The following EPHB1 variants were observed in gnomAD, a reference collection of about 807,000 sequenced individuals.
EPHB1 encodes the protein EPH receptor B1, also known as ephrin type-B receptor 1.
Under a neutral mutation model 94.4 loss-of-function variants are expected in EPHB1, and 30 were observed. That is an observed-to-expected ratio of 0.32 (90% CI 0.24 to 0.43). The LOEUF (loss-of-function observed/expected upper bound fraction) is 0.43, where lower values mean the gene tolerates loss of function less well. EPHB1 is among the 20% of genes least tolerant of loss of function. The pLI is 1.00. For missense variants in EPHB1, 1,055 were observed against 1,308.3 expected, an observed-to-expected ratio of 0.81 and a Z score of 2.99; for synonymous variants, 522 against 489.1, an observed-to-expected ratio of 1.07 and a Z score of -0.89.
chr3:135,034,193 A>G (rs948081847), intron 3 of EPHB1, among the ~76,000 whole-genome samples: 1 of 152,222 alleles, frequency 6.6e-6, no homozygotes, highest in Admixed American at 6.5e-5. Context: ...TTAAATGTGT[A>G]TGATTTACCA....
chr3:134,817,532 T>C (rs139965674), intron 1 of EPHB1, among the ~76,000 whole-genome samples: 1 of 152,354 alleles, frequency 6.6e-6, no homozygotes, highest in African/African-American at 2.4e-5. Context: ...TATGAATCCA[T>C]GCAAGAGGCT....
intron 5 of EPHB1, among the ~76,000 whole-genome samples, chr3:135,151,196 T>C (rs1160246184): frequency 6.6e-6 from 1 of 152,178 alleles, no homozygotes; most frequent in Non-Finnish European, 1.5e-5. Flanking sequence ...AATAGTATCA[T>C]ATAAGTCAGA....
intron 10 of EPHB1, among the ~76,000 whole-genome samples, chr3:135,183,221 TC>T (rs1254727033): frequency 8.6e-6 from 1 of 115,774 alleles, no homozygotes; most frequent in Non-Finnish European, 1.7e-5. Context: ...CCTTCCTCCC[TC>T]CCTCCCTTCC....
At chr3:134,970,928 A>T (rs919252453) in intron 3 of EPHB1, among the ~76,000 whole-genome samples, 2 of 152,234 alleles carry the variant, frequency 1.3e-5, no homozygotes, top group African/African-American at 2.4e-5. Context: ...TTGTTCCTTG[A>T]AATATAAGCT....
chr3:135,246,092 C>G (rs981589119), intron 13 of EPHB1, among the ~76,000 whole-genome samples: 1 of 152,096 alleles, frequency 6.6e-6, no homozygotes, highest in Non-Finnish European at 1.5e-5. Context: ...ATCTGGGGCT[C>G]TAGCATCTAA....
intron 3 of EPHB1, among the ~76,000 whole-genome samples, chr3:134,953,408 A>G (rs1347949264): frequency 6.6e-6 from 1 of 152,246 alleles, no homozygotes; most frequent in Non-Finnish European, 1.5e-5. Flanking sequence ...GTGGAAACAA[A>G]GGAGAGAGAG....
At chr3:135,105,893 A>G (rs1488999008) in intron 3 of EPHB1, among the ~76,000 whole-genome samples, 3 of 152,252 alleles carry the variant, frequency 2.0e-5, no homozygotes, top group Non-Finnish European at 4.4e-5. Flanking sequence ...AGAATCACTT[A>G]TGAATTTCAG....
chr3:134,837,152 T>C (rs2036686143), intron 1 of EPHB1, among the ~76,000 whole-genome samples: 1 of 152,190 alleles, frequency 6.6e-6, no homozygotes, highest in African/African-American at 2.4e-5. Flanking sequence ...CTCGCCCAGC[T>C]CTGGAGAATA....
intron 1 of EPHB1, among the ~76,000 whole-genome samples, chr3:134,825,909 G>A (rs967554762): frequency 3.3e-5 from 5 of 151,896 alleles, no homozygotes; most frequent in African/African-American, 1.2e-4. Context: ...TATCTGCATT[G>A]TTTTTCTACA....
chr3:134,831,309 A>G (rs1342250771), intron 1 of EPHB1, among the ~76,000 whole-genome samples: 1 of 152,210 alleles, frequency 6.6e-6, no homozygotes, highest in Non-Finnish European at 1.5e-5. Context: ...AAAGGGAGCT[A>G]TGGCCTGTTG....
intron 12 of EPHB1, among the ~76,000 whole-genome samples, chr3:135,206,958 T>G (rs901336120): frequency 1.3e-5 from 2 of 152,172 alleles, no homozygotes; most frequent in African/African-American, 4.8e-5. Context: ...TTCTTTCAAG[T>G]GCAATTTAAA....
At chr3:135,003,604 G>A (rs1425962315) in intron 3 of EPHB1, among the ~76,000 whole-genome samples, 2 of 152,026 alleles carry the variant, frequency 1.3e-5, no homozygotes, top group Admixed American at 6.6e-5. Flanking sequence ...AAATCTCTTT[G>A]TAGGTCACTC....
At chr3:135,233,904 AGCT>A (rs1943590784) in intron 12 of EPHB1, among the ~76,000 whole-genome samples, 1 of 152,186 alleles carries the variant, frequency 6.6e-6, no homozygotes. Flanking sequence ...TAGCTGGAGC[AGCT>A]GAGATACAGT....
chr3:135,211,725 A>G (rs1452418168), intron 12 of EPHB1, among the ~76,000 whole-genome samples: 1 of 152,178 alleles, frequency 6.6e-6, no homozygotes, highest in African/African-American at 2.4e-5. Context: ...TCATATTCGT[A>G]TACGCATTGT....
chr3:134,892,800 C>T (rs1477703448), intron 1 of EPHB1, among the ~76,000 whole-genome samples: 1 of 152,062 alleles, frequency 6.6e-6, no homozygotes, highest in African/African-American at 2.4e-5. Flanking sequence ...TCTGCCCTCC[C>T]CTCCCTCCCT....
At chr3:135,044,462 T>G (rs1389942921) in intron 3 of EPHB1, among the ~76,000 whole-genome samples, 1 of 152,182 alleles carries the variant, frequency 6.6e-6, no homozygotes, top group Non-Finnish European at 1.5e-5. Flanking sequence ...ACTAGTGTGC[T>G]GCAAAGAAGA....
chr3:135,089,013 GAAACTGAGGCTTAA>G (rs929229668), intron 3 of EPHB1, among the ~76,000 whole-genome samples: 6 of 152,154 alleles, frequency 3.9e-5, no homozygotes, highest in Admixed American at 6.5e-5. Flanking sequence ...TACACACGAG[GAAACTGAGGCTTAA>G]AAAGGTTGTA....
intron 2 of EPHB1, among the ~76,000 whole-genome samples, chr3:134,936,136 C>G (rs1266729665): frequency 6.6e-6 from 1 of 151,932 alleles, no homozygotes. Context: ...GAGAATGGAG[C>G]TGGGGTGGGG....
At chr3:135,044,934 T>C (rs928349961) in intron 3 of EPHB1, among the ~76,000 whole-genome samples, 1 of 152,164 alleles carries the variant, frequency 6.6e-6, no homozygotes, top group Middle Eastern at 3.2e-3. Flanking sequence ...CTTTTAATGT[T>C]TTCAGGCATC....
Sources: allele counts gnomAD v4.1 joint callset (sites outside exome capture counted in the v4.1 genomes callset), GRCh38; gene constraint gnomAD v4.1.1; transcripts MANE v1.5; gene names NCBI Gene and HGNC (gene_info 2026-07-23, HGNC 2026-07-21).